The following KSR2 variants were observed in gnomAD, a reference collection of about 807,000 sequenced individuals.
KSR2 encodes the protein kinase suppressor of ras 2.
In KSR2, 25 loss-of-function variants were observed where a neutral mutation model predicts 107.8. The ratio of observed to expected loss-of-function variants is 0.23; its 90% CI spans 0.17 to 0.32. KSR2 has a LOEUF of 0.32. Ranked by LOEUF, KSR2 falls within the 10% of genes least tolerant of loss-of-function variation. KSR2 has a pLI of 1.00. For synonymous variants in KSR2, 480 were observed against 507.0 expected (o/e 0.95, Z 0.71); for missense variants, 887 against 1,268.9 (o/e 0.70, Z 4.57).
At chr12:117,489,910 A>T (rs990377274) in intron 14 of KSR2, among the ~76,000 whole-genome samples, 1 of 152,218 alleles carries the variant, frequency 6.6e-6, no homozygotes, top group African/African-American at 2.4e-5. Flanking sequence ...GGAATTCCTC[A>T]TGACTAATAA....
intron 3 of KSR2, among the ~76,000 whole-genome samples, chr12:117,808,937 T>C (rs1040435876): frequency 2.0e-5 from 3 of 152,142 alleles, no homozygotes; most frequent in Admixed American, 1.3e-4. Context: ...CCTCTCCTTT[T>C]CCCCTCCCCT....
intron 1 of KSR2, among the ~76,000 whole-genome samples, chr12:117,899,444 G>A (rs1400226154): frequency 6.6e-6 from 1 of 152,134 alleles, no homozygotes; most frequent in Non-Finnish European, 1.5e-5. Flanking sequence ...AGTGAGCTAT[G>A]ATCATGCCAC....
At chr12:117,819,231 G>T (rs1293461103) in intron 3 of KSR2, among the ~76,000 whole-genome samples, 1 of 152,150 alleles carries the variant, frequency 6.6e-6, no homozygotes, top group East Asian at 1.9e-4. Context: ...TGTGGAAGGG[G>T]ACTGAGTTAT....
Position 117,960,175 on chromosome 12 carries a change from A to G in KSR2, c.180+7901T>C, listed in dbSNP as rs1166399006. ...AAATATTTCATGGCTTGGCTTCCTCAAGTTAGTAAAACCTCCATGAAAGAG... is the reference window on the plus strand; with the variant it reads ...AAATATTTCATGGCTTGGCTTCCTCGAGTTAGTAAAACCTCCATGAAAGAG... On this transcript the variant is annotated intron_variant, in intron 1 of 19. Coordinates refer to ENST00000339824, the MANE Select transcript of KSR2 (RefSeq NM_173598.6). Among the ~76,000 whole-genome samples the G allele has an allele frequency of 1.3e-5, 2 of 152,004 alleles. 1 individual carries two copies. The highest frequency in any genetic ancestry group is 2.9e-5 in the Non-Finnish European group (2 of 67,994).
chr12:117,591,553 G>A (rs1055817426), intron 5 of KSR2, among the ~76,000 whole-genome samples: 1 of 152,130 alleles, frequency 6.6e-6, no homozygotes, highest in Non-Finnish European at 1.5e-5. Flanking sequence ...GGACCAGTGA[G>A]TGGTGAGGGC....
chr12:117,967,935 A>C, intron 1 of KSR2, 141 bp downstream of exon 1: 1 of 708,556 alleles, frequency 1.4e-6, no homozygotes. Flanking sequence ...AACCGTGCCC[A>C]CCTTGCTTGC....
intron 4 of KSR2, among the ~76,000 whole-genome samples, chr12:117,671,936 C>G (rs1884923222): frequency 6.6e-6 from 1 of 152,196 alleles, no homozygotes; most frequent in Non-Finnish European, 1.5e-5. Context: ...GCATCCCACA[C>G]AAGCAGGTTA....
intron 5 of KSR2, among the ~76,000 whole-genome samples, chr12:117,649,750 G>A (rs1267406645): frequency 1.3e-5 from 2 of 152,258 alleles, no homozygotes; most frequent in Non-Finnish European, 2.9e-5. Context: ...AAGGCTATGT[G>A]CTTCCTAGAG....
chr12:117,631,899 A>G (rs1216770771), intron 5 of KSR2, among the ~76,000 whole-genome samples: 1 of 152,212 alleles, frequency 6.6e-6, no homozygotes, highest in Non-Finnish European at 1.5e-5. Flanking sequence ...TTGAGCAGCA[A>G]CAAGTTCCTG....
intron 3 of KSR2, among the ~76,000 whole-genome samples, chr12:117,835,742 A>G (rs11068693): frequency 0.059 from 8,950 of 152,004 alleles, 811 homozygotes; most frequent in African/African-American, 0.19. Flanking sequence ...GCTGTTAAAC[A>G]TCTTCCAAGG....
intron 3 of KSR2, 46 bp downstream of exon 3, chr12:117,855,382 G>C (rs756256687): frequency 6.2e-7 from 1 of 1,611,778 alleles, no homozygotes; most frequent in Non-Finnish European, 8.5e-7. Flanking sequence ...CGCGGCAGCT[G>C]TGCTGGGGAC....
intron 3 of KSR2, among the ~76,000 whole-genome samples, chr12:117,837,687 C>T (rs1028657833): frequency 2.0e-5 from 3 of 152,072 alleles, no homozygotes; most frequent in South Asian, 2.1e-4. Flanking sequence ...TCCTGGTATC[C>T]GGTTACAAAG....
chr12:117,616,136 G>C (rs1055488457), intron 5 of KSR2, among the ~76,000 whole-genome samples: 3 of 148,828 alleles, frequency 2.0e-5, no homozygotes, highest in Middle Eastern at 6.9e-3. Context: ...ACTTTAGCCT[G>C]GGTGACAGAG....
intron 14 of KSR2, among the ~76,000 whole-genome samples, chr12:117,489,132 G>A (rs1872618248): frequency 1.3e-5 from 2 of 151,820 alleles, no homozygotes; most frequent in South Asian, 4.2e-4. Flanking sequence ...GCTGAAAGTC[G>A]GCACAGTGAT....
chr12:117,746,701 T>C (rs1318116562), intron 4 of KSR2, among the ~76,000 whole-genome samples: 1 of 151,594 alleles, frequency 6.6e-6, no homozygotes, highest in African/African-American at 2.4e-5. Flanking sequence ...AGGTCTAATA[T>C]GCAGAATTTA....
chr12:117,626,050 C>T (rs553907338), intron 5 of KSR2, among the ~76,000 whole-genome samples: 2 of 152,140 alleles, frequency 1.3e-5, no homozygotes, highest in Non-Finnish European at 2.9e-5. Flanking sequence ...GTGGTGATAT[C>T]CCCTTTATCA....
At chr12:117,694,842 A>ATTCTAC (rs767530642) in intron 4 of KSR2, among the ~76,000 whole-genome samples, 1,774 of 68,166 alleles carry the variant, frequency 0.026, 87 homozygotes, top group African/African-American at 0.1. Flanking sequence ...ATGTTGTATG[A>ATTCTAC]TTCTTTTTTT....
intron 1 of KSR2, chr12:117,889,799 A>T (rs1350498225): frequency 6.6e-6 from 1 of 152,232 alleles, no homozygotes; most frequent in East Asian, 1.9e-4. Flanking sequence ...GGTTGTCACA[A>T]CTTGGAAGAT....
rs148829946 is a variant in KSR2 at position 117,630,741 on chromosome 12, G to A, written c.1171+36733C>T. 1.2e-4 allele frequency among the ~76,000 whole-genome samples: 18 copies of A among 152,204 alleles called. No homozygotes were observed. In the East Asian group the frequency reaches 1.9e-3, roughly 16 times the overall value. On this transcript the variant is annotated intron_variant, in intron 5 of 19. Coordinates refer to ENST00000339824, the MANE Select transcript of KSR2 (RefSeq NM_173598.6). ...ATGCAAATTGGCAGAGGGTAGGGAC[G>A]CAAGGTTCTCTGGGAGTTGCAGTCA...
Sources: gnomAD v4.1 joint callset for allele counts (sites outside exome capture counted in the v4.1 genomes callset) on GRCh38, gnomAD v4.1.1 for gene constraint, MANE v1.5 for transcripts, NCBI Gene and HGNC (gene_info 2026-07-23, HGNC 2026-07-21) for gene names.